ANK3: variants seen among roughly 807,000 people sequenced by gnomAD.
ANK3 encodes ankyrin 3.
ANK3 carries 57 observed loss-of-function variants against 370.9 expected under a neutral mutation model. The observed-to-expected ratio is 0.15, with a 90% CI of 0.12 to 0.19. The LOEUF (loss-of-function observed/expected upper bound fraction) is 0.19, where lower values mean the gene tolerates loss of function less well. ANK3 is among the 10% of genes least tolerant of loss of function. ANK3 has a pLI of 1.00. For synonymous variants in ANK3, 1,929 were observed against 1,946.3 expected (o/e 0.99, Z 0.23); for missense variants, 4,439 against 5,302.1 (o/e 0.84, Z 5.06).
intron 2 of ANK3, among the ~76,000 whole-genome samples, chr10:60,400,672 G>A (rs1255324685): frequency 6.6e-6 from 1 of 151,972 alleles, no homozygotes; most frequent in Non-Finnish European, 1.5e-5. Flanking sequence ...TCAGGTTAGG[G>A]GAATTTCCTG....
At chr10:60,653,769 A>G (rs114013015) in intron 1 of ANK3, among the ~76,000 whole-genome samples, 6,544 of 152,224 alleles carry the variant, frequency 0.043, 180 homozygotes, top group Middle Eastern at 0.075. Context: ...TTGGGAGGCT[A>G]AGGTGGGAGA....
rs868125539 is a variant in ANK3 at position 60,108,987 on chromosome 10, T to C, written c.3016A>G (p.Arg1006Gly). 3 of 1,613,902 alleles carry C rather than the reference T, an allele frequency of 1.9e-6. No homozygotes were observed. Among genetic ancestry groups the C allele is most frequent in the Admixed American group, 3.3e-5 (2 of 59,990 alleles). The part of the protein sequence containing the change: ...SMRGSRHHGM[R>G]IIIPPRKCTA... ...CACTTGCGTGGAGGAATGATGATTC[T>C]CATCCCGTGATGACGGCTTCCTCTC... Residue 1006 changes from arginine to glycine, a missense_variant, in exon 27 of 44, where the codon AGA (arginine) becomes GGA (glycine). Physicochemically the swap from Arg to Gly is moderately radical, Grantham distance 125. This residue lies in a region of ANK3 where 702 missense variants were observed against 941.5 expected (regional missense o/e 0.75). Coordinates refer to ENST00000280772, the MANE Select transcript of ANK3 (RefSeq NM_020987.5).
chr10:60,128,629 C>G (rs2093903274), intron 25 of ANK3, among the ~76,000 whole-genome samples: 1 of 152,174 alleles, frequency 6.6e-6, no homozygotes, highest in Non-Finnish European at 1.5e-5. Flanking sequence ...GATCCACCCA[C>G]CTTGGCCTCC....
At chr10:60,088,483 T>A (rs2087278722) in intron 28 of ANK3, 125 bp from the exon 29 acceptor site, 2 of 827,716 alleles carry the variant, frequency 2.4e-6, no homozygotes, top group African/African-American at 3.4e-5. Flanking sequence ...TGAAGTGCAA[T>A]GGCGTGATCT....
chr10:60,362,695 C>CA (rs1356741423), intron 1 of ANK3, among the ~76,000 whole-genome samples: 1 of 152,148 alleles, frequency 6.6e-6, no homozygotes, highest in Non-Finnish European at 1.5e-5. Flanking sequence ...TGCATACCTC[C>CA]AGCAGCTGGC....
intron 1 of ANK3, among the ~76,000 whole-genome samples, chr10:60,329,133 T>C (rs1381073587): frequency 6.6e-6 from 1 of 152,180 alleles, no homozygotes; most frequent in Non-Finnish European, 1.5e-5. Flanking sequence ...GGAACATATA[T>C]CAAACTAATA....
At chr10:60,426,150 C>A (rs1267410791) in intron 2 of ANK3, among the ~76,000 whole-genome samples, 1 of 152,020 alleles carries the variant, frequency 6.6e-6, no homozygotes, top group African/African-American at 2.4e-5. Context: ...TTTCAGCTTT[C>A]CAGCCCACCA....
chr10:60,549,176 T>C (rs1003807244), intron 2 of ANK3, among the ~76,000 whole-genome samples: 26 of 143,452 alleles, frequency 1.8e-4, no homozygotes, highest in African/African-American at 5.4e-4. Flanking sequence ...CACACACACA[T>C]ACCATCATGT....
At chr10:60,109,098 CTG>C (rs779473956) in intron 26 of ANK3, 44 bp from the exon 27 acceptor site, 2 of 1,491,486 alleles carry the variant, frequency 1.3e-6, no homozygotes, top group South Asian at 1.1e-5. Flanking sequence ...CGGAAATAAA[CTG>C]TGCTCACAGC....
intron 2 of ANK3, among the ~76,000 whole-genome samples, chr10:60,594,236 T>A (rs952158569): frequency 6.6e-6 from 1 of 152,162 alleles, no homozygotes. Flanking sequence ...CCTATAATCC[T>A]CTCAATGTTT....
Position 60,324,509 on chromosome 10 carries a change from A to G in ANK3, c.115-44870T>C, listed in dbSNP as rs557200271. ...CTCTCATTAATTCCCTGAACTTTCA[A>G]CCTGGAAGGAGCCTAAGTGAAGGCT... is the stretch of plus-strand genomic sequence containing the variant. On this transcript the variant is annotated intron_variant, in intron 1 of 43. Coordinates refer to ENST00000280772, the MANE Select transcript of ANK3 (RefSeq NM_020987.5). Among the ~76,000 whole-genome samples the G allele has an allele frequency of 1.1e-3, 160 of 152,280 alleles. 1 individual carries two copies. Among genetic ancestry groups the G allele is most frequent in the African/African-American group, 3.7e-3 (155 of 41,546 alleles).
chr10:60,572,598 A>G lies in ANK3; in HGVS notation c.96+42588T>C, dbSNP rs2077626367. Reference sequence around the variant, plus strand: ...GTATTCCAACATCCAAAACCACGGCAAAGAGTCAAAGCATTGAGACCAAAG... The same window carrying G: ...GTATTCCAACATCCAAAACCACGGCGAAGAGTCAAAGCATTGAGACCAAAG... On this transcript the variant is annotated intron_variant, in intron 2 of 43. Coordinates refer to the ANK3 transcript ENST00000373827. 12 of 1,521,234 alleles carry G rather than the reference A, an allele frequency of 7.9e-6. No homozygotes were observed. In the South Asian group the frequency reaches 1.4e-4, roughly 17 times the overall value. 94.2% of individuals were successfully genotyped at this position (1,521,234 alleles called of 1,614,324 possible). A position where few individuals can be genotyped will look rare whatever the true frequency, so the allele number is the denominator to read the frequency against.
intron 1 of ANK3, among the ~76,000 whole-genome samples, chr10:60,359,996 C>A (rs965683313): frequency 6.6e-6 from 1 of 152,176 alleles, no homozygotes; most frequent in Non-Finnish European, 1.5e-5. Context: ...TCAGTACTCT[C>A]CAAACTTCTG....
At chr10:60,663,682 T>C (rs973830441) in intron 1 of ANK3, among the ~76,000 whole-genome samples, 3 of 152,226 alleles carry the variant, frequency 2.0e-5, no homozygotes, top group African/African-American at 4.8e-5. Flanking sequence ...TGAGAACTTA[T>C]ATGTAAAGGC....
At chr10:60,399,140 T>C (rs904276889) in intron 2 of ANK3, among the ~76,000 whole-genome samples, 2 of 152,146 alleles carry the variant, frequency 1.3e-5, no homozygotes, top group African/African-American at 4.8e-5. Flanking sequence ...AACATCAGAA[T>C]CATGATTACA....
At chr10:60,453,598 T>A (rs2064666816) in intron 2 of ANK3, among the ~76,000 whole-genome samples, 1 of 152,218 alleles carries the variant, frequency 6.6e-6, no homozygotes, top group African/African-American at 2.4e-5. Context: ...AATGGCTGAA[T>A]AAATGTCTGA....
chr10:60,477,520 C>G (rs111760188), intron 2 of ANK3, among the ~76,000 whole-genome samples: 83 of 109,450 alleles, frequency 7.6e-4, no homozygotes, highest in African/African-American at 3.0e-3. Flanking sequence ...CAGACATACA[C>G]ACACACACAC....
intron 16 of ANK3, among the ~76,000 whole-genome samples, chr10:60,193,803 A>T (rs2096538385): frequency 6.6e-6 from 1 of 152,108 alleles, no homozygotes; most frequent in Admixed American, 6.6e-5. Context: ...GTTATCTATG[A>T]AGGACTTGGG....
intron 2 of ANK3, among the ~76,000 whole-genome samples, chr10:60,491,883 C>G (rs1270200481): frequency 1.3e-5 from 2 of 152,100 alleles, no homozygotes; most frequent in Admixed American, 1.3e-4. Context: ...GTGCCTACCT[C>G]ACAGTATTTT....
Sources: allele counts gnomAD v4.1 joint callset (sites outside exome capture counted in the v4.1 genomes callset), GRCh38; gene constraint gnomAD v4.1.1; regional missense constraint gnomAD v4.1.1; transcripts MANE v1.5; gene names NCBI Gene and HGNC (gene_info 2026-07-23, HGNC 2026-07-21).